Variants in KRT8 observed in about 807,000 individuals in gnomAD.
The protein encoded by KRT8 is keratin 8.
A neutral mutation model predicts 43.0 loss-of-function variants in KRT8; 24 were observed. The ratio of observed to expected loss-of-function variants is 0.56; its 90% confidence interval spans 0.40 to 0.78. The LOEUF is 0.78. KRT8 is among the 30% of genes least tolerant of loss of function. The pLI is 0.00. For missense variants in KRT8, 492 were observed against 638.4 expected (o/e 0.77, Z 2.47); for synonymous variants, 214 against 261.2 (o/e 0.82, Z 1.74).
chr12:52,917,043 G>C (rs573515541), intron 2 of KRT8, among the ~76,000 whole-genome samples: 1 of 152,302 alleles, frequency 6.6e-6, no homozygotes, highest in African/African-American at 2.4e-5. Context: ...CCCCCAGAGA[G>C]AGACTTCTGC....
At chr12:52,906,719 A>G, upstream of KRT8, 3 of 455,976 alleles carry the variant, frequency 6.6e-6, no homozygotes, top group South Asian at 1.5e-5. Context: ...AACTGAACTC[A>G]GAGGACCAAC....
At chr12:52,921,965 A>G (rs935364815) in intron 2 of KRT8, among the ~76,000 whole-genome samples, 1 of 151,878 alleles carries the variant, frequency 6.6e-6, no homozygotes, top group Non-Finnish European at 1.5e-5. Flanking sequence ...TAGGAATTCA[A>G]GACCAGCCTG....
At chr12:52,931,706 A>G (rs139047741) in intron 2 of KRT8, among the ~76,000 whole-genome samples, 9 of 151,306 alleles carry the variant, frequency 5.9e-5, no homozygotes, top group Admixed American at 2.0e-4. Flanking sequence ...CTTGTTGCCC[A>G]GGCTGGATTG....
rs544051610 is a variant in KRT8, at chr12:52,928,642, C to T, written c.-47+20814G>A. 3.3e-5 allele frequency among the ~76,000 whole-genome samples: 5 copies of T among 152,338 alleles called. No homozygotes were observed. In the South Asian group the frequency reaches 8.3e-4, roughly 25 times the overall value. On this transcript the variant is annotated intron_variant, in intron 2 of 6. Transcript: ENST00000546826. Reference sequence around the variant, plus strand: ...GAAAGGGGCTGGGCACAGTGGCTCACGCCTGTAATCCCAGCACTTTGGGAG... The same window carrying T: ...GAAAGGGGCTGGGCACAGTGGCTCATGCCTGTAATCCCAGCACTTTGGGAG...
At chr12:52,918,103 G>T (rs1941789618) in intron 2 of KRT8, among the ~76,000 whole-genome samples, 1 of 42,118 alleles carries the variant, frequency 2.4e-5, no homozygotes, top group Non-Finnish European at 4.2e-5. Context: ...AGAAGAGGAA[G>T]AAGAAGAAGA....
In KRT8 at chr12:52,918,180, G is replaced by GGAAGAAGAAGAAGAAGAAGAAGAAGAA. The variant is rs869098018; in HGVS notation, c.-46-13154_-46-13153insTTCTTCTTCTTCTTCTTCTTCTTCTTC. On this transcript the variant is annotated intron_variant, in intron 2 of 6. Coordinates refer to the KRT8 transcript ENST00000546826. ...GGGAAGAAGAAGAAGAAGAGGAAGAGGAAGAAGAAGAAGAAGAAGAAGAAC... is the reference window on the plus strand; with the variant it reads ...GGGAAGAAGAAGAAGAAGAGGAAGAGGAAGAAGAAGAAGAAGAAGAAGAAGAAGAAGAAGAAGAAGAAGAAGAAGAAC... Among the ~76,000 whole-genome samples the GGAAGAAGAAGAAGAAGAAGAAGAAGAA allele has an allele frequency of 2.2e-3, 161 of 73,814 alleles. 20 individuals carry two copies. Among genetic ancestry groups the GGAAGAAGAAGAAGAAGAAGAAGAAGAA allele is most frequent in the South Asian group, 7.4e-3 (13 of 1,768 alleles). 48.4% of individuals were successfully genotyped at this position (73,814 alleles called of 152,430 possible).
intron 2 of KRT8, chr12:52,948,728 G>C (rs148721682): frequency 0.013 from 5,348 of 397,536 alleles, 50 homozygotes; most frequent in Middle Eastern, 0.025. Flanking sequence ...CTGACCTCGT[G>C]ATCCGCCCAC....
At chr12:52,949,729 G>A (rs779728172) in exon 1 of KRT8, 5 of 790,954 alleles carry the variant, frequency 6.3e-6, no homozygotes, top group Non-Finnish European at 1.1e-5. Flanking sequence ...ATTTCCATCC[G>A]CGCACCTAGC....
At chr12:52,916,133 C>G (rs1180620083) in intron 2 of KRT8, among the ~76,000 whole-genome samples, 1 of 152,014 alleles carries the variant, frequency 6.6e-6, no homozygotes, top group Non-Finnish European at 1.5e-5. Context: ...GTTTCAGAGG[C>G]CAGACAGAGC....
chr12:52,904,613 G>A (rs931643998), intron 1 of KRT8, 45 bp downstream of exon 1: 1 of 1,571,064 alleles, frequency 6.4e-7, no homozygotes, highest in South Asian at 1.1e-5. Context: ...ACTACCAGGA[G>A]AAAGGGGCTG....
At chr12:52,929,442 C>T (rs1692652671) in intron 2 of KRT8, among the ~76,000 whole-genome samples, 2 of 152,164 alleles carry the variant, frequency 1.3e-5, no homozygotes. Context: ...GATCTGCCCA[C>T]CTCAGCCTCC....
At chr12:52,928,534 C>T (rs892462049) in intron 2 of KRT8, among the ~76,000 whole-genome samples, 2 of 152,168 alleles carry the variant, frequency 1.3e-5, no homozygotes, top group African/African-American at 4.8e-5. Flanking sequence ...TTGCCATACT[C>T]CTCCCACCCC....
At chr12:52,949,119 C>T in intron 2 of KRT8, 1 of 1,358,394 alleles carries the variant, frequency 7.4e-7, no homozygotes, top group Non-Finnish European at 9.8e-7. Flanking sequence ...CTCGCGCAGG[C>T]CGCCACCGTC....
exon 6 of KRT8, chr12:52,898,732 G>A (rs1352472732): frequency 6.2e-7 from 1 of 1,614,054 alleles, no homozygotes; most frequent in South Asian, 1.1e-5. Context: ...CGATGTCCAG[G>A]GCCAGCTTGA....
intron 2 of KRT8, among the ~76,000 whole-genome samples, chr12:52,912,749 C>A (rs1941660352): frequency 6.6e-6 from 1 of 152,206 alleles, no homozygotes; most frequent in Admixed American, 6.5e-5. Flanking sequence ...TGGCCATGGC[C>A]TCCATGAAAT....
intron 2 of KRT8, among the ~76,000 whole-genome samples, chr12:52,937,840 T>C (rs1192796822): frequency 6.7e-6 from 1 of 149,364 alleles, no homozygotes; most frequent in African/African-American, 2.5e-5. Flanking sequence ...CTACTAAAAA[T>C]ACAAAAAAAT....
intron 2 of KRT8, among the ~76,000 whole-genome samples, chr12:52,923,128 C>A (rs759082665): frequency 1.3e-5 from 2 of 152,200 alleles, no homozygotes; most frequent in African/African-American, 2.4e-5. Flanking sequence ...CTACCACTAC[C>A]TCCAAAGTGC....
chr12:52,929,535 C>T (rs1053239325), intron 2 of KRT8, among the ~76,000 whole-genome samples: 3 of 152,130 alleles, frequency 2.0e-5, no homozygotes, highest in Non-Finnish European at 1.5e-5. Context: ...CTGACATTGC[C>T]TTCTGCATTT....
chr12:52,948,645 T>C (rs1256882871), intron 2 of KRT8: 10 of 325,364 alleles, frequency 3.1e-5, no homozygotes, highest in Non-Finnish European at 5.0e-5. Context: ...GCGTGCACCA[T>C]CACGTCCGGC....
Sources: gnomAD v4.1 joint callset for allele counts (sites outside exome capture counted in the v4.1 genomes callset) on GRCh38, gnomAD v4.1.1 for gene constraint, MANE v1.5 for transcripts, NCBI Gene and HGNC (gene_info 2026-07-23, HGNC 2026-07-21) for gene names.